PTPRB: variants seen among roughly 807,000 people sequenced by gnomAD.
PTPRB encodes protein tyrosine phosphatase receptor type B.
PTPRB carries 97 observed loss-of-function variants against 238.1 expected under a neutral mutation model. That is an observed-to-expected ratio of 0.41 (90% CI 0.35 to 0.48). The LOEUF (loss-of-function observed/expected upper bound fraction) is 0.48, where lower values mean the gene tolerates loss of function less well. PTPRB is among the 20% of genes least tolerant of loss of function. The pLI, the probability that PTPRB is intolerant of heterozygous loss-of-function variation, is 0.30. For missense variants in PTPRB, 2,292 were observed against 2,681.9 expected, an observed-to-expected ratio of 0.85 and a Z score of 3.21; for synonymous variants, 970 against 995.4, an observed-to-expected ratio of 0.97 and a Z score of 0.48.
At chr12:70,563,538 C>A (rs1421674956) in intron 15 of PTPRB, among the ~76,000 whole-genome samples, 1 of 152,194 alleles carries the variant, frequency 6.6e-6, no homozygotes, top group Non-Finnish European at 1.5e-5. Flanking sequence ...ATGGATCCAT[C>A]CTTTGTTTCC....
Position 70,524,421 on chromosome 12 carries a change from A to G in PTPRB, c.6625+50T>C, listed in dbSNP as rs1872037272. On this transcript the variant is annotated intron_variant, in intron 33 of 33. Transcript: ENST00000334414. ...TAAGCCTCTATGCCTGGCCAGATTG[A>G]CCATATCTTGATGAAGAAACTTGGG... The G allele has an allele frequency of 9.7e-6, 15 of 1,538,752 alleles. No homozygotes were observed. In the East Asian group the frequency reaches 3.6e-4, roughly 37 times the overall value.
At chr12:70,549,079 G>A (rs1876503319) in intron 21 of PTPRB, among the ~76,000 whole-genome samples, 1 of 152,184 alleles carries the variant, frequency 6.6e-6, no homozygotes, top group Admixed American at 6.5e-5. Flanking sequence ...CTTGAAGGCA[G>A]TGGCTCCACC....
intron 2 of PTPRB, among the ~76,000 whole-genome samples, chr12:70,634,916 A>G (rs1205867744): frequency 6.6e-6 from 1 of 152,226 alleles, no homozygotes; most frequent in African/African-American, 2.4e-5. Context: ...CTAATAGAAG[A>G]GTAAATACAC....
intron 4 of PTPRB, 32 bp from the exon 5 acceptor site, chr12:70,596,359 A>AG: frequency 7.4e-7 from 1 of 1,342,356 alleles, no homozygotes. Flanking sequence ...ACACACAAAA[A>AG]AAAAAAAGAA....
chr12:70,629,964 A>G (rs1384742096), intron 2 of PTPRB, among the ~76,000 whole-genome samples: 1 of 152,178 alleles, frequency 6.6e-6, no homozygotes, highest in Non-Finnish European at 1.5e-5. Context: ...TAGCCTACCA[A>G]CCAAAAAAAG....
chr12:70,549,860 T>C lies in PTPRB; in HGVS notation c.5387+2917A>G, dbSNP rs887242446. Among the ~76,000 whole-genome samples the C allele has an allele frequency of 3.3e-5, 5 of 152,188 alleles. 1 individual carries two copies. The highest frequency in any genetic ancestry group is 7.2e-5 in the African/African-American group (3 of 41,460). ...AAAGGTGTGTTCTGAAAAACAAATA[T>C]GTACACAGAGATGATGAAGCCATAA... On this transcript the variant is annotated intron_variant, in intron 21 of 33. Coordinates refer to ENST00000334414, the MANE Select transcript of PTPRB (RefSeq NM_001109754.4).
At chr12:70,570,040 A>C in intron 13 of PTPRB, 102 bp from the exon 14 acceptor site, 1 of 1,079,148 alleles carries the variant, frequency 9.3e-7, no homozygotes, top group Non-Finnish European at 1.3e-6. Flanking sequence ...ACCCACTGAG[A>C]GAACTCACAT....
intron 12 of PTPRB, 153 bp from the exon 13 acceptor site, chr12:70,571,442 T>G: frequency 1.3e-6 from 1 of 762,986 alleles, no homozygotes; most frequent in Admixed American, 3.1e-5. Flanking sequence ...CAAGAAAAAT[T>G]GGAAGCAACT....
chr12:70,573,505 C>CTTTTTTTTTTTTTTTTTTTT (rs937307862), intron 11 of PTPRB, among the ~76,000 whole-genome samples: 5 of 90,806 alleles, frequency 5.5e-5, no homozygotes, highest in South Asian at 3.9e-4. Flanking sequence ...CTTTTCTTTT[C>CTTTTTTTTTTTTTTTTTTTT]TTTTTTTTTT....
chr12:70,562,269 G>T (rs141937443), intron 16 of PTPRB, among the ~76,000 whole-genome samples: 5 of 152,072 alleles, frequency 3.3e-5, no homozygotes, highest in Non-Finnish European at 5.9e-5. Context: ...GGGCAACAGA[G>T]TGAGAACTCG....
chr12:70,582,794 G>C (rs1331902540), intron 9 of PTPRB, among the ~76,000 whole-genome samples: 1 of 152,000 alleles, frequency 6.6e-6, no homozygotes, highest in Non-Finnish European at 1.5e-5. Flanking sequence ...GAAAAAAACT[G>C]ATAAATTGGA....
At chr12:70,630,584 G>T (rs1469817573) in intron 2 of PTPRB, among the ~76,000 whole-genome samples, 1 of 152,212 alleles carries the variant, frequency 6.6e-6, no homozygotes, top group East Asian at 1.9e-4. Flanking sequence ...TCAGGCAAGA[G>T]AAAGAAATAA....
At position 70,520,012 on chromosome 12, in the gene PTPRB, C is replaced by CA. The variant is rs1356697766; in HGVS notation, c.*1476dup. On this transcript the variant is annotated 3_prime_UTR_variant, in exon 34 of 34. Transcript: ENST00000334414. ...CACTTACGGACTTTATGGTAGGTTACAAAAATATATACTTTGAAAAGAAAT... is the reference window on the plus strand; with the variant it reads ...CACTTACGGACTTTATGGTAGGTTACAAAAAATATATACTTTGAAAAGAAAT... 2 of 254,714 alleles carry CA rather than the reference C, an allele frequency of 7.9e-6. No individual in the cohort carries two copies. Among genetic ancestry groups the CA allele is most frequent in the African/African-American group, 4.6e-5 (2 of 43,564 alleles). 15.8% of individuals were successfully genotyped at this position (254,714 alleles called of 1,614,324 possible). A position where few individuals can be genotyped will look rare whatever the true frequency, so the allele number is the denominator to read the frequency against.
chr12:70,594,959 T>C (rs1472608837), intron 5 of PTPRB, among the ~76,000 whole-genome samples: 1 of 152,120 alleles, frequency 6.6e-6, no homozygotes, highest in Non-Finnish European at 1.5e-5. Context: ...CCCCACTTAA[T>C]AGGTATTAAG....
chr12:70,548,336 TCTCTCTCTCTCACACACACACACA>T (rs1876349552), intron 21 of PTPRB, among the ~76,000 whole-genome samples: 1 of 34,344 alleles, frequency 2.9e-5, no homozygotes, highest in Admixed American at 4.1e-4. Context: ...TCTCTCTCTC[TCTCTCTCTCTCACACACACACACA>T]CACACACACA....
intron 21 of PTPRB, among the ~76,000 whole-genome samples, chr12:70,552,269 A>G (rs889853185): frequency 1.3e-5 from 2 of 152,138 alleles, no homozygotes; most frequent in Non-Finnish European, 2.9e-5. Flanking sequence ...AGATCACTTG[A>G]GGCCAGGAGT....
At chr12:70,528,127 GAA>G (rs1370616546) in intron 32 of PTPRB, among the ~76,000 whole-genome samples, 1 of 152,180 alleles carries the variant, frequency 6.6e-6, no homozygotes, top group African/African-American at 2.4e-5. Flanking sequence ...AAGGGAGAGA[GAA>G]AATTTTATCT....
intron 3 of PTPRB, chr12:70,609,750 G>A: frequency 6.4e-7 from 1 of 1,572,618 alleles, no homozygotes; most frequent in African/African-American, 1.4e-5. Flanking sequence ...ACCCCTTCTC[G>A]GGCCACTCAC....
At chr12:70,582,136 CT>C (rs921207625) in intron 9 of PTPRB, among the ~76,000 whole-genome samples, 4 of 152,066 alleles carry the variant, frequency 2.6e-5, no homozygotes, top group Non-Finnish European at 5.9e-5. Context: ...ATACACAGAT[CT>C]TGAAGTTGGC....
Sources: allele counts gnomAD v4.1 joint callset (sites outside exome capture counted in the v4.1 genomes callset), GRCh38; gene constraint gnomAD v4.1.1; transcripts MANE v1.5; gene names NCBI Gene and HGNC (gene_info 2026-07-23, HGNC 2026-07-21).